The following PARM1 variants were observed in gnomAD, a reference collection of about 807,000 sequenced individuals.
PARM1 encodes the protein WSC4, cell wall integrity and stress response component 4 homolog.
Under a neutral mutation model 24.6 loss-of-function variants are expected in PARM1, and 14 were observed. The observed-to-expected ratio is 0.57, with a 90% CI of 0.38 to 0.89. PARM1 has a LOEUF of 0.89. PARM1 is among the 40% of genes least tolerant of loss of function. The pLI is 0.00. For missense variants in PARM1, 362 were observed against 380.4 expected, an observed-to-expected ratio of 0.95 and a Z score of 0.40; for synonymous variants, 179 against 156.6, an observed-to-expected ratio of 1.14 and a Z score of -1.07.
chr4:74,977,480 C>T (rs1235952535), intron 1 of PARM1, among the ~76,000 whole-genome samples: 1 of 152,024 alleles, frequency 6.6e-6, no homozygotes, highest in Non-Finnish European at 1.5e-5. Flanking sequence ...AAGGCTGAAC[C>T]TACAACTAAT....
At chr4:75,001,561 A>G (rs983051198) in intron 1 of PARM1, among the ~76,000 whole-genome samples, 2 of 152,242 alleles carry the variant, frequency 1.3e-5, no homozygotes, top group African/African-American at 4.8e-5. Flanking sequence ...AGGTATACAC[A>G]TGTAAAAATT....
chr4:74,939,121 G>A (rs1578020196), intron 1 of PARM1, among the ~76,000 whole-genome samples: 1 of 152,040 alleles, frequency 6.6e-6, no homozygotes, highest in East Asian at 1.9e-4. Context: ...TTTTTTAACT[G>A]CCAACCATAC....
intron 1 of PARM1, among the ~76,000 whole-genome samples, chr4:74,934,695 A>G (rs1294825539): frequency 6.6e-6 from 1 of 152,202 alleles, no homozygotes; most frequent in Admixed American, 6.5e-5. Flanking sequence ...CAGGTGCAAT[A>G]GGCAGCGGAG....
chr4:74,953,021 T>A (rs1328942104), intron 1 of PARM1, among the ~76,000 whole-genome samples: 1 of 152,136 alleles, frequency 6.6e-6, no homozygotes, highest in African/African-American at 2.4e-5. Flanking sequence ...TCACTTTCCC[T>A]CCCCACAAAA....
Position 75,046,185 on chromosome 4 carries a change from T to C in PARM1, c.871T>C (p.Leu291=). The C allele has an allele frequency of 6.2e-7, 1 of 1,613,042 alleles. No individual in the cohort carries two copies. The highest frequency in any genetic ancestry group is 8.5e-7 in the Non-Finnish European group (1 of 1,179,078). ...CAGGCATTCCTCCTATGGAAGACTT[T>C]TGGACGACCATGACTACGGGTCCTG... ...KIRHSSYGRL[L]DDHDYGSWGN... The change falls in exon 4 of 4, where the codon TTG becomes CTG. Residue 291 remains leucine (L), a synonymous_variant. Transcript: ENST00000307428.
At chr4:75,037,747 A>C (rs1012732989) in intron 3 of PARM1, among the ~76,000 whole-genome samples, 1 of 152,164 alleles carries the variant, frequency 6.6e-6, no homozygotes, top group Non-Finnish European at 1.5e-5. Flanking sequence ...TCTACTTACT[A>C]TTTAGGCGGC....
At chr4:75,000,728 G>C (rs1454692475) in intron 1 of PARM1, among the ~76,000 whole-genome samples, 2 of 152,240 alleles carry the variant, frequency 1.3e-5, no homozygotes, top group East Asian at 3.8e-4. Flanking sequence ...CTTGGAAATG[G>C]ATTGGAAGTG....
At chr4:75,039,906 C>T (rs1000121137) in intron 3 of PARM1, among the ~76,000 whole-genome samples, 8 of 152,294 alleles carry the variant, frequency 5.3e-5, no homozygotes, top group East Asian at 1.9e-4. Context: ...AATTTCAAGT[C>T]GTCCAGCTCA....
At chr4:75,043,014 G>A (rs951443535) in intron 3 of PARM1, among the ~76,000 whole-genome samples, 3 of 151,654 alleles carry the variant, frequency 2.0e-5, no homozygotes, top group Non-Finnish European at 4.4e-5. Flanking sequence ...TATAGGAGGT[G>A]TGTCTTACAG....
chr4:74,936,390 C>T (rs972706109), intron 1 of PARM1, among the ~76,000 whole-genome samples: 23 of 151,838 alleles, frequency 1.5e-4, no homozygotes, highest in African/African-American at 5.1e-4. Context: ...CTGCTCCCCT[C>T]GGGATTCTCT....
At chr4:75,043,414 T>A (rs552285331) in intron 3 of PARM1, among the ~76,000 whole-genome samples, 1 of 152,254 alleles carries the variant, frequency 6.6e-6, no homozygotes, top group East Asian at 1.9e-4. Context: ...ATAAAGCAAT[T>A]TTTTTTAAAG....
chr4:75,027,201 C>T (rs987300215), intron 2 of PARM1, among the ~76,000 whole-genome samples: 9 of 152,136 alleles, frequency 5.9e-5, no homozygotes, highest in African/African-American at 2.2e-4. Context: ...CCAATCCTGC[C>T]CACCCCAGAA....
intron 1 of PARM1, among the ~76,000 whole-genome samples, chr4:74,950,887 A>C (rs1426007769): frequency 6.6e-6 from 1 of 151,098 alleles, no homozygotes; most frequent in Non-Finnish European, 1.5e-5. Context: ...GTTCCTGACC[A>C]CTAAATACCG....
intron 3 of PARM1, among the ~76,000 whole-genome samples, chr4:75,034,552 T>C (rs1723333006): frequency 6.6e-6 from 1 of 152,252 alleles, no homozygotes; most frequent in African/African-American, 2.4e-5. Context: ...GCTGAGATTT[T>C]ACTTTCTTTA....
In PARM1 at chr4:74,933,185, G is replaced by A; in HGVS notation, c.-143G>A. ...GCTGCGTTCGCCTCGTTTGCCTCGC[G>A]CCCTCCACTGGAGCTGTTCGCGCCT... On this transcript the variant is annotated 5_prime_UTR_variant, in exon 1 of 4. Coordinates refer to ENST00000307428, the MANE Select transcript of PARM1 (RefSeq NM_015393.4). The A allele has an allele frequency of 1.6e-6, 1 of 631,246 alleles. No homozygotes were observed. The highest frequency in any genetic ancestry group is 1.9e-5 in the South Asian group (1 of 52,782). The allele number at this position is 631,246 out of a possible 1,614,324, so 39.1% of individuals were successfully genotyped here. A position where few individuals can be genotyped will look rare whatever the true frequency, so the allele number is the denominator to read the frequency against.
At chr4:74,954,320 C>A (rs2109985981) in intron 1 of PARM1, among the ~76,000 whole-genome samples, 1 of 152,320 alleles carries the variant, frequency 6.6e-6, no homozygotes, top group East Asian at 1.9e-4. Flanking sequence ...CCAGTTGATA[C>A]TTCACTAAGT....
At chr4:74,967,371 A>T (rs561831166) in intron 1 of PARM1, 1 of 152,330 alleles carries the variant, frequency 6.6e-6, no homozygotes, top group South Asian at 2.1e-4. Context: ...AAACAGAACC[A>T]GTTTTGTTTT....
chr4:75,029,378 G>A (rs556571847), intron 2 of PARM1, among the ~76,000 whole-genome samples: 205 of 152,230 alleles, frequency 1.3e-3, no homozygotes, highest in African/African-American at 4.6e-3. Context: ...ACCTTGAATT[G>A]TAATAATCCC....
chr4:74,957,182 A>T (rs1039625163), intron 1 of PARM1: 2 of 152,232 alleles, frequency 1.3e-5, no homozygotes, highest in Non-Finnish European at 1.5e-5. Context: ...TCAGCCCTGG[A>T]AAGTTGGTAC....
Sources: allele counts gnomAD v4.1 joint callset (sites outside exome capture counted in the v4.1 genomes callset), GRCh38; gene constraint gnomAD v4.1.1; transcripts MANE v1.5; gene names NCBI Gene and HGNC (gene_info 2026-07-23, HGNC 2026-07-21).